The following PBRM1 variants were observed in gnomAD, a reference collection of about 807,000 sequenced individuals.
PBRM1 encodes the protein protein polybromo-1.
PBRM1 carries 27 observed loss-of-function variants against 194.5 expected under a neutral mutation model. The ratio of observed to expected loss-of-function variants is 0.14; its 90% CI spans 0.10 to 0.19. The LOEUF is 0.19. Ranked by LOEUF, PBRM1 falls within the 10% of genes least tolerant of loss-of-function variation. The probability of loss-of-function intolerance (pLI) is 1.00; values close to 1 mark genes in which losing one functional copy is unlikely to be tolerated. For synonymous variants in PBRM1, 655 were observed against 693.2 expected (o/e 0.94, Z 0.87); for missense variants, 1,466 against 2,077.2 (o/e 0.71, Z 5.72).
chr3:52,606,879 TA>T (rs1343194682), intron 16 of PBRM1, among the ~76,000 whole-genome samples: 1 of 152,248 alleles, frequency 6.6e-6, no homozygotes, highest in Non-Finnish European at 1.5e-5. Context: ...GTGCTGTTAC[TA>T]AATACTGTTG....
intron 12 of PBRM1, 55 bp from the exon 14 acceptor site, chr3:52,627,425 TA>T: frequency 1.0e-6 from 1 of 994,440 alleles, no homozygotes; most frequent in Non-Finnish European, 1.6e-6. Flanking sequence ...CTCCTCTGAA[TA>T]TATGAATGTT....
At chr3:52,652,955 G>A (rs1191890598) in intron 5 of PBRM1, among the ~76,000 whole-genome samples, 1 of 151,960 alleles carries the variant, frequency 6.6e-6, no homozygotes, top group Non-Finnish European at 1.5e-5. Context: ...CCGAGATCAC[G>A]CCATTGTACT....
chr3:52,642,305 A>G (rs2096123225), intron 9 of PBRM1, among the ~76,000 whole-genome samples: 1 of 152,150 alleles, frequency 6.6e-6, no homozygotes, highest in African/African-American at 2.4e-5. Flanking sequence ...TAAGATGTTC[A>G]TATTTTACAA....
chr3:52,609,164 A>T lies in PBRM1; in HGVS notation c.2567+149T>A. The T allele has an allele frequency of 6.2e-6, 4 of 648,366 alleles. No individual in the cohort carries two copies. The highest frequency in any genetic ancestry group is 1.1e-5 in the Non-Finnish European group (4 of 380,790). The allele number at this position is 648,366 out of a possible 1,614,324, so 40.2% of individuals were successfully genotyped here. On this transcript the variant is annotated intron_variant, in intron 16 of 29. Transcript: ENST00000296302. The surrounding 1 kb of genome is among the most constrained non-coding windows in gnomAD (Gnocchi z 4.1). ...CCCACAGAATATACTCACTCTTAAG[A>T]AGTTCTGGCTGATTAGAATTCAGAA...
chr3:52,626,287 T>C (rs887634501), intron 13 of PBRM1, among the ~76,000 whole-genome samples: 1 of 152,214 alleles, frequency 6.6e-6, no homozygotes, highest in Non-Finnish European at 1.5e-5. Flanking sequence ...TCTCAGGGTA[T>C]ACTGATCAAT....
intron 16 of PBRM1, among the ~76,000 whole-genome samples, chr3:52,604,626 A>C (rs1179076564): frequency 6.6e-6 from 1 of 152,034 alleles, no homozygotes. Context: ...CCAGGAGTTC[A>C]AGGGTGCAGT....
intron 18 of PBRM1, among the ~76,000 whole-genome samples, chr3:52,587,799 G>A (rs1378279252): frequency 1.8e-4 from 2 of 11,380 alleles, no homozygotes; most frequent in African/African-American, 2.1e-3. Context: ...TATTTTTACA[G>A]CTACAGTTTA....
At chr3:52,610,812 G>A (rs182643115) in intron 15 of PBRM1, among the ~76,000 whole-genome samples, 20 of 152,158 alleles carry the variant, frequency 1.3e-4, no homozygotes, top group African/African-American at 4.1e-4. Context: ...TGGTGGTGGC[G>A]CCTGTAATCC....
At chr3:52,654,784 CAG>C (rs113468226) in intron 5 of PBRM1, among the ~76,000 whole-genome samples, 7 of 152,128 alleles carry the variant, frequency 4.6e-5, no homozygotes, top group African/African-American at 1.4e-4. Flanking sequence ...TGAGAGTTGA[CAG>C]AGAGCGAGAG....
At chr3:52,578,863 T>G (rs911874391) in intron 21 of PBRM1, among the ~76,000 whole-genome samples, 191 bp downstream of exon 23, 1 of 152,118 alleles carries the variant, frequency 6.6e-6, no homozygotes, top group African/African-American at 2.4e-5. Flanking sequence ...CTGTAAATAG[T>G]GGAAGAAAAC....
intron 22 of PBRM1, among the ~76,000 whole-genome samples, chr3:52,569,573 G>C (rs2086402288): frequency 6.6e-6 from 1 of 152,072 alleles, no homozygotes; most frequent in South Asian, 2.1e-4. Flanking sequence ...ATTCCCACTG[G>C]TATATCTAAT....
chr3:52,575,013 C>G (rs1377388527), intron 22 of PBRM1, among the ~76,000 whole-genome samples: 1 of 152,032 alleles, frequency 6.6e-6, no homozygotes, highest in African/African-American at 2.4e-5. Flanking sequence ...GTGATCCTAC[C>G]ACCTCAGCCT....
chr3:52,667,034 C>T (rs373583816), intron 3 of PBRM1, among the ~76,000 whole-genome samples: 21 of 152,086 alleles, frequency 1.4e-4, no homozygotes, highest in African/African-American at 4.6e-4. Flanking sequence ...GCAACGATTG[C>T]GAACAAACGC....
intron 27 of PBRM1, among the ~76,000 whole-genome samples, chr3:52,552,784 C>A (rs1161367624): frequency 2.6e-5 from 4 of 152,188 alleles, no homozygotes; most frequent in Non-Finnish European, 5.9e-5. Flanking sequence ...CAGTGATACC[C>A]TGTATCAAGG....
intron 29 of PBRM1, 35 bp downstream of exon 31, chr3:52,550,386 G>C (rs773441380): frequency 1.7e-6 from 2 of 1,146,458 alleles, no homozygotes. Context: ...GAGGAAGCAT[G>C]TATTTCACAA....
intron 22 of PBRM1, among the ~76,000 whole-genome samples, chr3:52,569,940 T>C (rs933063290): frequency 2.6e-5 from 4 of 152,210 alleles, no homozygotes; most frequent in African/African-American, 7.2e-5. Flanking sequence ...GTTAAATAAG[T>C]GTGATAAGGA....
intron 18 of PBRM1, 60 bp from the exon 21 acceptor site, chr3:52,587,570 CTTTTTTTTTT>C: frequency 1.4e-6 from 1 of 731,656 alleles, no homozygotes; most frequent in East Asian, 3.1e-5. Context: ...ACAGAAATCA[CTTTTTTTTTT>C]TTTTTTTTTT....
intron 20 of PBRM1, 74 bp downstream of exon 22, chr3:52,586,351 A>C (rs2153752204): frequency 1.6e-6 from 2 of 1,266,014 alleles, no homozygotes; most frequent in South Asian, 2.9e-5. Context: ...AAGTTTGAAT[A>C]CTTTATTCAT....
intron 14 of PBRM1, 63 bp downstream of exon 16, chr3:52,617,199 T>C (rs943766514): frequency 7.3e-7 from 1 of 1,367,164 alleles, no homozygotes; most frequent in African/African-American, 1.4e-5. Flanking sequence ...TCAAAATGCA[T>C]TATTCTATAA....
Sources: allele counts gnomAD v4.1 joint callset (sites outside exome capture counted in the v4.1 genomes callset), GRCh38; gene constraint gnomAD v4.1.1; non-coding constraint Gnocchi (gnomAD v3.1); transcripts MANE v1.5; gene names NCBI Gene and HGNC (gene_info 2026-07-23, HGNC 2026-07-21).